TSSC4: variants seen among roughly 807,000 people sequenced by gnomAD.
TSSC4 encodes tumor suppressing subtransferable candidate 4.
For missense variants in TSSC4, 500 were observed against 443.9 expected, an observed-to-expected ratio of 1.13 and a Z score of -1.14; for synonymous variants, 259 against 197.9, an observed-to-expected ratio of 1.31 and a Z score of -2.59.
Position 2,403,745 on chromosome 11 carries a change from C to T in TSSC4, c.*122C>T, listed in dbSNP as rs918670360. 2 of 1,076,778 alleles carry T rather than the reference C, an allele frequency of 1.9e-6. No individual in the cohort carries two copies. The highest frequency in any genetic ancestry group is 2.5e-6 in the Non-Finnish European group (2 of 790,348). The allele number at this position is 1,076,778 out of a possible 1,614,324, so 66.7% of individuals were successfully genotyped here. A position where few individuals can be genotyped will look rare whatever the true frequency, so the allele number is the denominator to read the frequency against. ...AATGGGAGGAAGCCTGCAGGTGGCA[C>T]CGGTGGCCCTGGCTGCAGTTCTGGG... is the stretch of plus-strand genomic sequence containing the variant. On this transcript the variant is annotated 3_prime_UTR_variant, in exon 3 of 3. Transcript: ENST00000333256.
At position 2,402,890 on chromosome 11, in the gene TSSC4, G is replaced by A. The variant is rs1198915624; in HGVS notation, c.257G>A (p.Ser86Asn). ...TVQPFHLRGM[S>N]STFSQRSRDI... ...CAGCCATTCCATCTGAGAGGCATGAGCTCCACCTTCTCCCAGCGCAGCCGT... is the reference window on the plus strand; with the variant it reads ...CAGCCATTCCATCTGAGAGGCATGAACTCCACCTTCTCCCAGCGCAGCCGT... Residue 86 changes from serine (S) to asparagine (N), a missense_variant, in exon 3 of 3, where the codon AGC (serine) becomes AAC (asparagine). By Grantham distance (46) the Ser-to-Asn change is conservative. Transcript: ENST00000333256. 5 of 1,612,212 alleles carry A rather than the reference G, an allele frequency of 3.1e-6. No homozygotes were observed. Among genetic ancestry groups the A allele is most frequent in the Non-Finnish European group, 2.5e-6 (3 of 1,179,762 alleles).
Position 2,402,653 on chromosome 11 carries a change from G to A in TSSC4, c.20G>A (p.Gly7Asp). The A allele has an allele frequency of 1.3e-6, 2 of 1,596,096 alleles. No individual in the cohort carries two copies. Among genetic ancestry groups the A allele is most frequent in the Non-Finnish European group, 1.7e-6 (2 of 1,169,740 alleles). MAEAGT[G>D]EPSPSVEGEH... ...GGACGCATGGCTGAGGCAGGAACAG[G>A]TGAGCCGTCCCCCAGCGTGGAGGGC... Residue 7 changes from glycine (G) to aspartate (D), a missense_variant, in exon 3 of 3, where the codon GGT becomes GAT. Physicochemically the swap from Gly to Asp is moderately conservative, Grantham distance 94. Coordinates refer to ENST00000333256, the MANE Select transcript of TSSC4 (RefSeq NM_005706.4).
rs1323138902 is a variant in TSSC4 at position 2,403,694 on chromosome 11, G to A, written c.*71G>A. Reference sequence around the variant, plus strand: ...TGCCTTCCCAGTGGGGCTGGTCAGGGGGCAGCCTGGCCACTGCCTAGCTGG... The same window carrying A: ...TGCCTTCCCAGTGGGGCTGGTCAGGAGGCAGCCTGGCCACTGCCTAGCTGG... On this transcript the variant is annotated 3_prime_UTR_variant, in exon 3 of 3. Transcript: ENST00000333256. 8.3e-5 allele frequency: 117 copies of A among 1,407,310 alleles called. No homozygotes were observed. The highest frequency in any genetic ancestry group is 1.1e-4 in the Non-Finnish European group (114 of 1,070,492). 87.2% of individuals were successfully genotyped at this position (1,407,310 alleles called of 1,614,324 possible).
rs760566544 is a variant in TSSC4, at chr11:2,403,749, T to C, written c.*126T>C. On this transcript the variant is annotated 3_prime_UTR_variant, in exon 3 of 3. Transcript: ENST00000333256. ...GGAGGAAGCCTGCAGGTGGCACCGGTGGCCCTGGCTGCAGTTCTGGGCAGC... is the reference window on the plus strand; with the variant it reads ...GGAGGAAGCCTGCAGGTGGCACCGGCGGCCCTGGCTGCAGTTCTGGGCAGC... 6.4e-5 allele frequency: 65 copies of C among 1,016,396 alleles called. No homozygotes were observed. Among genetic ancestry groups the C allele is most frequent in the Non-Finnish European group, 7.9e-5 (58 of 734,882 alleles). The allele number at this position is 1,016,396 out of a possible 1,614,324, so 63.0% of individuals were successfully genotyped here.
chr11:2,401,175 A>C (rs2133477738), intron 1 of TSSC4: 1 of 152,176 alleles, frequency 6.6e-6, no homozygotes, highest in South Asian at 2.1e-4. Context: ...TTTCGCCGAG[A>C]ACCCCGAGAA....
rs766199092 is a variant in TSSC4, at chr11:2,403,654, C to T, written c.*31C>T. 1.4e-6 allele frequency: 2 copies of T among 1,466,150 alleles called. No homozygotes were observed. The highest frequency in any genetic ancestry group is 2.5e-5 in the East Asian group (1 of 40,094). The allele number at this position is 1,466,150 out of a possible 1,614,324, so 90.8% of individuals were successfully genotyped here. A position where few individuals can be genotyped will look rare whatever the true frequency, so the allele number is the denominator to read the frequency against. On this transcript the variant is annotated 3_prime_UTR_variant, in exon 3 of 3. Coordinates refer to ENST00000333256, the MANE Select transcript of TSSC4 (RefSeq NM_005706.4). ...AGATGGCCCAGCCTGACCCCACTGG[C>T]CACTGCCATCCTGCTGCCTTCCCAG...
At chr11:2,402,064 G>A (rs1850161741) in intron 1 of TSSC4, 1 of 152,706 alleles carries the variant, frequency 6.5e-6, no homozygotes, top group South Asian at 2.1e-4. Context: ...TCAGCCCTGG[G>A]TTCAAGCCCT....
chr11:2,402,829 C>T lies in TSSC4; in HGVS notation c.196C>T (p.Pro66Ser). 1.3e-6 allele frequency: 2 copies of T among 1,598,682 alleles called. No individual in the cohort carries two copies. The highest frequency in any genetic ancestry group is 1.7e-6 in the Non-Finnish European group (2 of 1,172,496). ...GGAGGATTCAGGTCCTGATGAGCCGCCCTCACCCCCGTCAGGCCTCCTCCC... is the reference window on the plus strand; with the variant it reads ...GGAGGATTCAGGTCCTGATGAGCCGTCCTCACCCCCGTCAGGCCTCCTCCC... ...GEEDSGPDEPPSPPSGLLPAT... is the reference protein window; with the variant it reads ...GEEDSGPDEPSSPPSGLLPAT... Residue 66 changes from proline (P) to serine (S), a missense_variant, in exon 3 of 3, where the codon CCC becomes TCC. Transcript: ENST00000333256.
In TSSC4 at chr11:2,403,149, G is replaced by A. The variant is rs764902613; in HGVS notation, c.516G>A (p.Glu172=). The A allele has an allele frequency of 1.2e-5, 20 of 1,612,090 alleles. No homozygotes were observed. In the Admixed American group the frequency reaches 1.8e-4, roughly 15 times the overall value. The part of the protein sequence containing the change: ...WTKYSLEDVT[E]VSEQSNQATA... ...AGTACAGCCTGGAAGATGTGACCGA[G>A]GTCAGCGAGCAGAGCAATCAGGCCA... Residue 172 remains glutamate, a synonymous_variant, in exon 3 of 3, where the codon GAG becomes GAA. Transcript: ENST00000333256.
In TSSC4 at chr11:2,403,436, C is replaced by G; in HGVS notation, c.803C>G (p.Ala268Gly). 1 of 1,593,934 alleles carries G rather than the reference C, an allele frequency of 6.3e-7. No homozygotes were observed. Among genetic ancestry groups the G allele is most frequent in the Non-Finnish European group, 8.6e-7 (1 of 1,169,280 alleles). The change falls in exon 3 of 3, where the codon GCT becomes GGT. Residue 268 changes from alanine (A) to glycine (G), a missense_variant. By Grantham distance (60) the Ala-to-Gly change is moderately conservative. Transcript: ENST00000333256. ...AHLAGPGSPEAEEWGSHHGGL... is the reference protein window; with the variant it reads ...AHLAGPGSPEGEEWGSHHGGL... ...CTGGCCGGGCCCGGGAGCCCAGAGG[C>G]TGAGGAGTGGGGCAGCCACCATGGA...
In TSSC4 at chr11:2,403,614, T is replaced by A; in HGVS notation, c.981T>A (p.Ala327=). The A allele has an allele frequency of 6.6e-7, 1 of 1,520,124 alleles. No individual in the cohort carries two copies. The highest frequency in any genetic ancestry group is 2.3e-5 in the East Asian group (1 of 43,204). 94.2% of individuals were successfully genotyped at this position (1,520,124 alleles called of 1,614,324 possible). ...NKSSSPEDPG[A]EV ...GCAGCAGCCCCGAGGACCCAGGTGC[T>A]GAGGTCTGAGAGGGAGATGGCCCAG... Residue 327 remains alanine, a synonymous_variant, in exon 3 of 3, where the codon GCT becomes GCA. Transcript: ENST00000333256.
intron 1 of TSSC4, 196 bp from the exon 2 acceptor site, chr11:2,402,098 C>T (rs1850162459): frequency 6.5e-6 from 1 of 153,090 alleles, no homozygotes; most frequent in Non-Finnish European, 1.5e-5. Context: ...CTACCAAAAT[C>T]GCTCAGTAGC....
At chr11:2,401,641 G>A (rs933322201) in intron 1 of TSSC4, among the ~76,000 whole-genome samples, 4 of 152,224 alleles carry the variant, frequency 2.6e-5, no homozygotes, top group African/African-American at 7.2e-5. Flanking sequence ...TGAGGACAGT[G>A]CAGAAGGGTG....
At chr11:2,402,157 C>T (rs1850164881) in intron 1 of TSSC4, 137 bp from the exon 2 acceptor site, 1 of 156,944 alleles carries the variant, frequency 6.4e-6, no homozygotes, top group African/African-American at 2.4e-5. Context: ...GGTAACGAGT[C>T]AAAAGTCCCT....
At position 2,403,386 on chromosome 11, in the gene TSSC4, C is replaced by A; in HGVS notation, c.753C>A (p.Gly251=). 6.2e-7 allele frequency: 1 copy of A among 1,606,926 alleles called. No individual in the cohort carries two copies. The highest frequency in any genetic ancestry group is 1.7e-5 in the Admixed American group (1 of 59,490). ...GGLGNPATDR[G]EGPVELAHLA... Reference sequence around the variant, plus strand: ...TTGGGAATCCTGCCACAGACAGGGGCGAGGGCCCTGTGGAGCTGGCCCATC... The same window carrying A: ...TTGGGAATCCTGCCACAGACAGGGGAGAGGGCCCTGTGGAGCTGGCCCATC... Residue 251 remains glycine, a synonymous_variant, in exon 3 of 3, where the codon GGC becomes GGA. Coordinates refer to ENST00000333256, the MANE Select transcript of TSSC4 (RefSeq NM_005706.4).
chr11:2,403,123 A>G lies in TSSC4; in HGVS notation c.490A>G (p.Lys164Glu), dbSNP rs1463689859. 1.2e-6 allele frequency: 2 copies of G among 1,612,666 alleles called. No individual in the cohort carries two copies. The highest frequency in any genetic ancestry group is 1.1e-5 in the South Asian group (1 of 91,064). Residue 164 changes from lysine (K) to glutamate (E), a missense_variant, in exon 3 of 3, where the codon AAG (lysine) becomes GAG (glutamate). By Grantham distance (56) the Lys-to-Glu change is moderately conservative. Coordinates refer to ENST00000333256, the MANE Select transcript of TSSC4 (RefSeq NM_005706.4). ...DYVAHPERWT[K>E]YSLEDVTEVS... ...CGTGGCACACCCCGAGCGCTGGACC[A>G]AGTACAGCCTGGAAGATGTGACCGA...
intron 2 of TSSC4, 54 bp from the exon 3 acceptor site, chr11:2,402,557 A>T: frequency 1.4e-6 from 2 of 1,428,234 alleles, no homozygotes; most frequent in Non-Finnish European, 1.9e-6. Context: ...GGGGGAACTC[A>T]TTCTCAATAC....
chr11:2,401,438 C>T (rs571096353), intron 1 of TSSC4: 1 of 152,450 alleles, frequency 6.6e-6, no homozygotes, highest in Non-Finnish European at 1.5e-5. Flanking sequence ...TCCCCTTTCA[C>T]TGGGGTGGCT....
Position 2,403,118 on chromosome 11 carries a change from G to A in TSSC4, c.485G>A (p.Trp162Ter), listed in dbSNP as rs772357532. 6.2e-7 allele frequency: 1 copy of A among 1,612,660 alleles called. No homozygotes were observed. The highest frequency in any genetic ancestry group is 8.5e-7 in the Non-Finnish European group (1 of 1,179,912). ...VPDYVAHPER[W>*]TKYSLEDVTE... ...GACTACGTGGCACACCCCGAGCGCTGGACCAAGTACAGCCTGGAAGATGTG... is the reference window on the plus strand; with the variant it reads ...GACTACGTGGCACACCCCGAGCGCTAGACCAAGTACAGCCTGGAAGATGTG... Residue 162 changes from tryptophan (W) to a stop codon, truncating the protein, a stop_gained, in exon 3 of 3, where the codon TGG (tryptophan) becomes TAG (stop). Coordinates refer to ENST00000333256, the MANE Select transcript of TSSC4 (RefSeq NM_005706.4). LOFTEE classifies it low-confidence loss of function (END_TRUNC).
Sources: allele counts gnomAD v4.1 joint callset (sites outside exome capture counted in the v4.1 genomes callset), GRCh38; gene constraint gnomAD v4.1.1; transcripts MANE v1.5; gene names NCBI Gene and HGNC (gene_info 2026-07-23, HGNC 2026-07-21).